The following BTBD18 variants were observed in gnomAD, a reference collection of about 807,000 sequenced individuals.
BTBD18 encodes the protein BTB/POZ domain-containing protein 18.
For missense variants in BTBD18, 787 were observed against 846.3 expected, an observed-to-expected ratio of 0.93 and a Z score of 0.87; for synonymous variants, 311 against 324.4, an observed-to-expected ratio of 0.96 and a Z score of 0.44.
intron 2 of BTBD18, 108 bp from the exon 3 acceptor site, chr11:57,746,256 A>C: frequency 2.3e-6 from 2 of 852,076 alleles, no homozygotes; most frequent in Non-Finnish European, 3.5e-6. Context: ...TTTTCCTTCC[A>C]TGGGACTTCA....
At chr11:57,749,580 C>A (rs1949260014) in intron 2 of BTBD18, among the ~76,000 whole-genome samples, 1 of 151,810 alleles carries the variant, frequency 6.6e-6, no homozygotes, top group African/African-American at 2.4e-5. Flanking sequence ...GAAACCCGGT[C>A]TCTACTAAAA....
In BTBD18 at chr11:57,745,318, G is replaced by A; in HGVS notation, c.955C>T (p.Pro319Ser). 6.4e-7 allele frequency: 1 copy of A among 1,551,646 alleles called. No individual in the cohort carries two copies. The highest frequency in any genetic ancestry group is 8.7e-7 in the Non-Finnish European group (1 of 1,146,964). The change falls in exon 3 of 3, where the codon CCT becomes TCT. Residue 319 changes from proline (P) to serine (S), a missense_variant. Transcript: ENST00000422652. ...EDKPKPGRAS[P>S]LQSTPNPSGL... is the part of the protein sequence containing the mutation. Reference sequence around the variant, plus strand: ...GATGGGTTTGGGGTGCTCTGCAGAGGACTAGCTCTGCCTGGTTTTGGCTTG... The same window carrying A: ...GATGGGTTTGGGGTGCTCTGCAGAGAACTAGCTCTGCCTGGTTTTGGCTTG...
chr11:57,746,214 A>G, intron 2 of BTBD18, 66 bp from the exon 3 acceptor site: 1 of 1,254,104 alleles, frequency 8.0e-7, no homozygotes. Flanking sequence ...AAGCATAGAC[A>G]TTACTACCCA....
At chr11:57,750,922 GAAAC>G (rs1160603323) in intron 2 of BTBD18, 139 bp downstream of exon 2, 1 of 571,816 alleles carries the variant, frequency 1.7e-6, no homozygotes, top group African/African-American at 1.9e-5. Flanking sequence ...AATTGTCCTA[GAAAC>G]AAACAGCCCT....
chr11:57,746,268 G>T, intron 2 of BTBD18, 120 bp from the exon 3 acceptor site: 1 of 747,164 alleles, frequency 1.3e-6, no homozygotes, highest in Non-Finnish European at 2.0e-6. Context: ...GGGACTTCAA[G>T]TAAAAGAAAA....
Position 57,745,035 on chromosome 11 carries a change from C to A in BTBD18, c.1238G>T (p.Arg413Ile). ...SSNEQEMSPTRTELCQDSPMC... is the reference protein window; with the variant it reads ...SSNEQEMSPTITELCQDSPMC... ...GGGGGAGTCCTGACACAGTTCTGTT[C>A]TAGTAGGTGACATTTCCTGCTCATT... Residue 413 changes from arginine to isoleucine, a missense_variant, in exon 3 of 3, where the codon AGA (arginine) becomes ATA (isoleucine). By Grantham distance (97) the Arg-to-Ile change is moderately conservative. Transcript: ENST00000422652. 2 of 1,551,584 alleles carry A rather than the reference C, an allele frequency of 1.3e-6. No homozygotes were observed. Among genetic ancestry groups the A allele is most frequent in the Non-Finnish European group, 1.7e-6 (2 of 1,146,922 alleles).
rs1220796364 is a variant in BTBD18 at position 57,745,091 on chromosome 11, T to C, written c.1182A>G (p.Gln394=). The C allele has an allele frequency of 7.1e-6, 11 of 1,551,570 alleles. No homozygotes were observed. The highest frequency in any genetic ancestry group is 2.4e-5 in the East Asian group (1 of 40,934). The change falls in exon 3 of 3, where the codon CAA becomes CAG. Residue 394 remains glutamine, a synonymous_variant. Transcript: ENST00000422652. ...AGAATGGCTGAGTTCCTGAAGGCTC[T>C]TGGAAGTCTCCTCCGGGATCTGGGA... ...PQIPDPGGDF[Q]EPSGTQPFSS...
rs1264937430 is a variant in BTBD18, at chr11:57,744,000, G to A, written c.*134C>T. ...GGCTTCTGAGGCTTAGGGAAGGGAG[G>A]AAGGGACCTACAAAGAGCCAGGGTA... On this transcript the variant is annotated 3_prime_UTR_variant, in exon 3 of 3. Transcript: ENST00000422652. The A allele has an allele frequency of 1.6e-6, 1 of 623,566 alleles. No homozygotes were observed. Among genetic ancestry groups the A allele is most frequent in the Non-Finnish European group, 2.8e-6 (1 of 359,530 alleles). 38.6% of individuals were successfully genotyped at this position (623,566 alleles called of 1,614,324 possible). A position where few individuals can be genotyped will look rare whatever the true frequency, so the allele number is the denominator to read the frequency against.
At chr11:57,747,406 T>C (rs1949216959) in intron 2 of BTBD18, among the ~76,000 whole-genome samples, 1 of 152,224 alleles carries the variant, frequency 6.6e-6, no homozygotes, top group South Asian at 2.1e-4. Context: ...TACTTCAAAG[T>C]AAGGCATCAT....
At chr11:57,752,800 TCCA>T (rs1184304303), upstream of BTBD18, among the ~76,000 whole-genome samples, 21 of 152,290 alleles carry the variant, frequency 1.4e-4, no homozygotes, top group African/African-American at 5.1e-4. Flanking sequence ...CACCTCCCCA[TCCA>T]GAAGCAAGGG....
chr11:57,750,539 T>C (rs1004757149), intron 2 of BTBD18, among the ~76,000 whole-genome samples: 3 of 152,160 alleles, frequency 2.0e-5, no homozygotes, highest in African/African-American at 7.2e-5. Flanking sequence ...CTACTAAAAA[T>C]ACAAAAGTTA....
intron 2 of BTBD18, among the ~76,000 whole-genome samples, chr11:57,746,957 G>C (rs1431385958): frequency 6.6e-6 from 1 of 152,170 alleles, no homozygotes; most frequent in African/African-American, 2.4e-5. Context: ...GTGAGGACAA[G>C]GACCACGTCT....
rs1590993083 is a variant in BTBD18 at position 57,745,097 on chromosome 11, G to A, written c.1176C>T (p.Asp392=). The A allele has an allele frequency of 1.3e-6, 2 of 1,551,684 alleles. No homozygotes were observed. Among genetic ancestry groups the A allele is most frequent in the South Asian group, 2.4e-5 (2 of 84,064 alleles). ...GCTGAGTTCCTGAAGGCTCTTGGAA[G>A]TCTCCTCCGGGATCTGGGATCTGGG... The part of the protein sequence containing the change: ...DSPQIPDPGG[D]FQEPSGTQPF... The change falls in exon 3 of 3, where the codon GAC becomes GAT. Residue 392 remains aspartate, a synonymous_variant. Transcript: ENST00000422652.
chr11:57,751,031 T>C (rs1949295784), intron 2 of BTBD18, 34 bp downstream of exon 2: 11 of 1,496,434 alleles, frequency 7.4e-6, no homozygotes, highest in Non-Finnish European at 9.8e-6. Flanking sequence ...TATTCTATGG[T>C]GAGTTTTCAG....
In BTBD18 at chr11:57,751,185, A is replaced by G; in HGVS notation, c.4T>C (p.Cys2Arg). M[C>R]SPASPKILYR... ...AGGATTTTGGGACTGGCAGGAGAGC[A>G]CATGTTGGCAAGAGTCTTAACAAAC... Residue 2 changes from cysteine (C) to arginine (R), a missense_variant, in exon 2 of 3, where the codon TGC (cysteine) becomes CGC (arginine). Transcript: ENST00000422652. 6.5e-7 allele frequency: 1 copy of G among 1,539,910 alleles called. No homozygotes were observed. The highest frequency in any genetic ancestry group is 8.7e-7 in the Non-Finnish European group (1 of 1,143,074).
chr11:57,745,758 G>A lies in BTBD18; in HGVS notation c.515C>T (p.Thr172Ile). 6.4e-7 allele frequency: 1 copy of A among 1,551,630 alleles called. No individual in the cohort carries two copies. Among genetic ancestry groups the A allele is most frequent in the Non-Finnish European group, 8.7e-7 (1 of 1,146,954 alleles). Reference sequence around the variant, plus strand: ...TCTTATTGCCCCAAGAGGACAAGGAGTTTGATTAGTGGGCAGTGGGGTGTG... The same window carrying A: ...TCTTATTGCCCCAAGAGGACAAGGAATTTGATTAGTGGGCAGTGGGGTGTG... The part of the protein sequence containing the change: ...HPHTPLPTNQ[T>I]PCPLGAIRLK... Residue 172 changes from threonine to isoleucine, a missense_variant, in exon 3 of 3, where the codon ACT becomes ATT. Transcript: ENST00000422652.
Position 57,745,102 on chromosome 11 carries a change from C to A in BTBD18, c.1171G>T (p.Gly391Ter). ...GTTCCTGAAGGCTCTTGGAAGTCTCCTCCGGGATCTGGGATCTGGGGGCTA... is the reference window on the plus strand; with the variant it reads ...GTTCCTGAAGGCTCTTGGAAGTCTCATCCGGGATCTGGGATCTGGGGGCTA... ...QDSPQIPDPGGDFQEPSGTQP... is the reference protein window; with the variant it reads ...QDSPQIPDPG Residue 391 changes from glycine (G) to a stop codon, truncating the protein, a stop_gained, in exon 3 of 3, where the codon GGA becomes TGA. Transcript: ENST00000422652. LOFTEE classifies it low-confidence loss of function (END_TRUNC). The A allele has an allele frequency of 1.9e-6, 3 of 1,551,584 alleles. No individual in the cohort carries two copies. Among genetic ancestry groups the A allele is most frequent in the Non-Finnish European group, 2.6e-6 (3 of 1,146,932 alleles).
rs1236464879 is a variant in BTBD18, at chr11:57,745,699, C to T, written c.574G>A (p.Glu192Lys). ...TTGTCTGCATTCTGTCGGTTGTTTT[C>T]CTGGGGCCCCTCTTCCTTCCCCAAG... ...KSLGKEEGPQ[E>K]NNRQNADNLS... is the part of the protein sequence containing the mutation. Residue 192 changes from glutamate to lysine, a missense_variant, in exon 3 of 3, where the codon GAA becomes AAA. Transcript: ENST00000422652. The T allele has an allele frequency of 2.6e-6, 4 of 1,551,628 alleles. No homozygotes were observed. In the South Asian group the frequency reaches 4.8e-5, roughly 18 times the overall value.
At chr11:57,747,429 G>A (rs888257666) in intron 2 of BTBD18, among the ~76,000 whole-genome samples, 1 of 152,176 alleles carries the variant, frequency 6.6e-6, no homozygotes, top group Non-Finnish European at 1.5e-5. Context: ...TCACCCAGTT[G>A]CCTGAGCTTG....
Sources: gnomAD v4.1 joint callset for allele counts (sites outside exome capture counted in the v4.1 genomes callset) on GRCh38, gnomAD v4.1.1 for gene constraint, MANE v1.5 for transcripts, NCBI Gene and HGNC (gene_info 2026-07-23, HGNC 2026-07-21) for gene names.